CLIP3: variants seen among roughly 807,000 people sequenced by gnomAD.
CLIP3 encodes CAP-Gly domain-containing linker protein 3.
CLIP3 carries 15 observed loss-of-function variants against 59.4 expected under a neutral mutation model. That is an observed-to-expected ratio of 0.25 (90% CI 0.17 to 0.39). The LOEUF (loss-of-function observed/expected upper bound fraction) is 0.39, where lower values mean the gene tolerates loss of function less well. Ranked by LOEUF, CLIP3 falls within the 10% of genes least tolerant of loss-of-function variation. The pLI, the probability that CLIP3 is intolerant of heterozygous loss-of-function variation, is 1.00. For missense variants in CLIP3, 495 were observed against 765.7 expected (o/e 0.65, Z 4.17); for synonymous variants, 300 against 321.6 (o/e 0.93, Z 0.72).
chr19:36,032,370 C>A lies in CLIP3; in HGVS notation c.-13G>T. The A allele has an allele frequency of 8.1e-7, 1 of 1,238,648 alleles. No homozygotes were observed. The allele number at this position is 1,238,648 out of a possible 1,614,324, so 76.7% of individuals were successfully genotyped here. A position where few individuals can be genotyped will look rare whatever the true frequency, so the allele number is the denominator to read the frequency against. The stretch of plus-strand genomic sequence containing the variant: ...CTGTCTTAGTCATGGTCCTCGGTGG[C>A]CCTCGGGGGGCGGGTGCAGAGTTGG... On this transcript the variant is annotated 5_prime_UTR_variant, in exon 2 of 14. Transcript: ENST00000360535. The surrounding 1 kb of genome is among the most constrained non-coding windows in gnomAD (Gnocchi z 4.3).
Position 36,032,111 on chromosome 19 carries a change from A to G in CLIP3, c.166+81T>C. 3 of 767,990 alleles carry G rather than the reference A, an allele frequency of 3.9e-6. No homozygotes were observed. The highest frequency in any genetic ancestry group is 3.6e-6 in the Non-Finnish European group (2 of 549,828). The allele number at this position is 767,990 out of a possible 1,614,324, so 47.6% of individuals were successfully genotyped here. A position where few individuals can be genotyped will look rare whatever the true frequency, so the allele number is the denominator to read the frequency against. ...TCAAATTCCCCAGAATTCTCCCACCATCACCACCAGCAGAGCACAGCCCAC... is the reference window on the plus strand; with the variant it reads ...TCAAATTCCCCAGAATTCTCCCACCGTCACCACCAGCAGAGCACAGCCCAC... On this transcript the variant is annotated intron_variant, in intron 2 of 13. Transcript: ENST00000360535. The surrounding 1 kb of genome is among the most constrained non-coding windows in gnomAD (Gnocchi z 4.3).
At chr19:36,022,501 G>A (rs906223272) in intron 7 of CLIP3, among the ~76,000 whole-genome samples, 7 of 152,198 alleles carry the variant, frequency 4.6e-5, no homozygotes, top group Admixed American at 6.5e-5. Context: ...TTAGTATTCC[G>A]TGTCTTCAGA....
In CLIP3 at chr19:36,018,597, A is replaced by T. The variant is rs569571820; in HGVS notation, c.1183+301T>A. On this transcript the variant is annotated intron_variant, in intron 9 of 13. Transcript: ENST00000360535. ...ACTCTTGACTCAAAAAAAAAAAAAA[A>T]AAAAAGTAGATCAAATGACAAAAGA... Among the ~76,000 whole-genome samples, 17 of 152,012 alleles carry T rather than the reference A, an allele frequency of 1.1e-4. No individual in the cohort carries two copies. In the East Asian group the frequency reaches 3.1e-3, roughly 28 times the overall value.
At chr19:36,030,541 C>T (rs760004883) in intron 2 of CLIP3, among the ~76,000 whole-genome samples, 1 of 152,292 alleles carries the variant, frequency 6.6e-6, no homozygotes, top group African/African-American at 2.4e-5. Context: ...TCCCCTCCTA[C>T]ATCCAACTCT....
chr19:36,018,007 G>A lies in CLIP3; in HGVS notation c.1184-16C>T, dbSNP rs1278034662. ...TTCTTCTTGCCTAAGGGTAGAAGGTGTAGGAGGTGGGTAGTGGGGCTGAGG... is the reference window on the plus strand; with the variant it reads ...TTCTTCTTGCCTAAGGGTAGAAGGTATAGGAGGTGGGTAGTGGGGCTGAGG... On this transcript the variant is annotated splice_polypyrimidine_tract_variant and intron_variant, in intron 9 of 13. Coordinates refer to ENST00000360535, the MANE Select transcript of CLIP3 (RefSeq NM_015526.3). 3 of 1,613,188 alleles carry A rather than the reference G, an allele frequency of 1.9e-6. No individual in the cohort carries two copies. The highest frequency in any genetic ancestry group is 1.8e-4 in the Middle Eastern group (1 of 5,660).
Position 36,027,099 on chromosome 19 carries a change from C to A in CLIP3, c.306+33G>T, listed in dbSNP as rs141854649. The A allele has an allele frequency of 2.3e-4, 363 of 1,590,908 alleles. No homozygotes were observed. The African/African-American group carries it at 4.6e-3, about 20-fold the overall frequency. On this transcript the variant is annotated intron_variant, in intron 3 of 13. Coordinates refer to ENST00000360535, the MANE Select transcript of CLIP3 (RefSeq NM_015526.3). Reference sequence around the variant, plus strand: ...CACCCACACATGTGGGGAACCGCATCCCCTCTCCCCCTGGTTTCCCCAGTG... The same window carrying A: ...CACCCACACATGTGGGGAACCGCATACCCTCTCCCCCTGGTTTCCCCAGTG...
intron 2 of CLIP3, among the ~76,000 whole-genome samples, chr19:36,031,483 T>C (rs953778899): frequency 1.3e-5 from 2 of 152,128 alleles, no homozygotes; most frequent in Non-Finnish European, 2.9e-5. Flanking sequence ...TGTCACAGAG[T>C]AGCAGCACTC....
chr19:36,031,023 C>CTTTTTTTTTTTTTTTTTTT (rs55762943), intron 2 of CLIP3, among the ~76,000 whole-genome samples: 22 of 80,166 alleles, frequency 2.7e-4, no homozygotes, highest in East Asian at 8.7e-4. Context: ...TTTTTTTTTT[C>CTTTTTTTTTTTTTTTTTTT]TTTTTTTTTT....
intron 7 of CLIP3, among the ~76,000 whole-genome samples, chr19:36,021,469 G>C (rs1968950315): frequency 6.6e-6 from 1 of 151,344 alleles, no homozygotes; most frequent in Non-Finnish European, 1.5e-5. Context: ...ATTATTAGTA[G>C]AGATGAGGTC....
At chr19:36,019,375 G>T in intron 7 of CLIP3, 69 bp from the exon 8 acceptor site, 1 of 1,545,992 alleles carries the variant, frequency 6.5e-7, no homozygotes, top group East Asian at 2.4e-5. Flanking sequence ...GCCCACACAC[G>T]GGCAGCAAGG....
At chr19:36,024,926 T>C (rs1207780896) in intron 6 of CLIP3, among the ~76,000 whole-genome samples, 10 of 151,042 alleles carry the variant, frequency 6.6e-5, no homozygotes, top group East Asian at 3.9e-4. Flanking sequence ...ATTAGCCGGG[T>C]GTGGTGGCGT....
chr19:36,017,009 G>T (rs908506248), intron 12 of CLIP3, 30 bp from the exon 13 acceptor site: 3 of 1,611,348 alleles, frequency 1.9e-6, no homozygotes, highest in African/African-American at 2.7e-5. Context: ...GTCAAGTGAG[G>T]GGATGACAGA....
At position 36,032,234 on chromosome 19, in the gene CLIP3, C is replaced by G; in HGVS notation, c.124G>C (p.Val42Leu). 7.6e-7 allele frequency: 1 copy of G among 1,308,160 alleles called. No individual in the cohort carries two copies. The highest frequency in any genetic ancestry group is 9.8e-7 in the Non-Finnish European group (1 of 1,019,234). The allele number at this position is 1,308,160 out of a possible 1,614,324, so 81.0% of individuals were successfully genotyped here. Residue 42 changes from valine to leucine, a missense_variant, in exon 2 of 14, where the codon GTT (valine) becomes CTT (leucine). Physicochemically the swap from Val to Leu is conservative, Grantham distance 32. This residue lies in a region of CLIP3 where 90 missense variants were observed against 105.2 expected (regional missense o/e 0.86). Coordinates refer to ENST00000360535, the MANE Select transcript of CLIP3 (RefSeq NM_015526.3). This position sits in a 1 kb window ranked among gnomAD's most constrained non-coding sequence, Gnocchi z 4.3. Reference protein sequence around the residue: ...SPTQERRQKPVVHPSAPAPLP... With the variant: ...SPTQERRQKPLVHPSAPAPLP... Reference sequence around the variant, plus strand: ...GGGGCAGGTGCCGAGGGGTGCACAACAGGCTTCTGCCGGCGCTCCTGGGTG... The same window carrying G: ...GGGGCAGGTGCCGAGGGGTGCACAAGAGGCTTCTGCCGGCGCTCCTGGGTG...
Position 36,026,025 on chromosome 19 carries a change from C to T in CLIP3, c.681+122G>A, listed in dbSNP as rs1969095809. ...CATATTTCAGCTGTTATTGCATTTG[C>T]TGAATGTACAGACGGCATTTGTAGT... On this transcript the variant is annotated intron_variant, in intron 6 of 13. Coordinates refer to ENST00000360535, the MANE Select transcript of CLIP3 (RefSeq NM_015526.3). The surrounding 1 kb of genome is among the most constrained non-coding windows in gnomAD (Gnocchi z 6.3). 2 of 699,434 alleles carry T rather than the reference C, an allele frequency of 2.9e-6. No homozygotes were observed. The highest frequency in any genetic ancestry group is 5.1e-6 in the Non-Finnish European group (2 of 390,300). The allele number at this position is 699,434 out of a possible 1,614,324, so 43.3% of individuals were successfully genotyped here.
intron 7 of CLIP3, 80 bp from the exon 8 acceptor site, chr19:36,019,386 T>G (rs940227804): frequency 9.1e-6 from 14 of 1,536,242 alleles, no homozygotes; most frequent in Non-Finnish European, 1.1e-5. Context: ...GGCAGCAAGG[T>G]GGGTTGCATG....
rs916571305 is a variant in CLIP3 at position 36,032,040 on chromosome 19, G to A, written c.166+152C>T. 2 of 418,480 alleles carry A rather than the reference G, an allele frequency of 4.8e-6. No homozygotes were observed. Among genetic ancestry groups the A allele is most frequent in the African/African-American group, 4.1e-5 (2 of 48,776 alleles). 25.9% of individuals were successfully genotyped at this position (418,480 alleles called of 1,614,324 possible). ...TCCATTCTCCAATGGGTGAATGAAT[G>A]AATTAACGAGGGGTGCTCTGCAGCC... is the stretch of plus-strand genomic sequence containing the variant. On this transcript the variant is annotated intron_variant, in intron 2 of 13. Transcript: ENST00000360535. The surrounding 1 kb of genome is among the most constrained non-coding windows in gnomAD (Gnocchi z 4.3).
Position 36,019,134 on chromosome 19 carries a change from C to G in CLIP3, c.1054+37G>C, listed in dbSNP as rs1311059684. 15 of 1,612,268 alleles carry G rather than the reference C, an allele frequency of 9.3e-6. No homozygotes were observed. In the South Asian group the frequency reaches 1.4e-4, roughly 15 times the overall value. ...AGCATCAGAACTGCCGAGTGGACAC[C>G]CAGCCACACCCCTCTTGGGCCCGAG... On this transcript the variant is annotated intron_variant, in intron 8 of 13. Coordinates refer to ENST00000360535, the MANE Select transcript of CLIP3 (RefSeq NM_015526.3).
At chr19:36,024,336 G>A in intron 7 of CLIP3, 60 bp downstream of exon 7, 1 of 1,462,076 alleles carries the variant, frequency 6.8e-7, no homozygotes, top group Non-Finnish European at 9.5e-7. Flanking sequence ...CAGCTCCAAG[G>A]GATTAAGGGG....
chr19:36,027,627 G>C (rs749656672), intron 2 of CLIP3, among the ~76,000 whole-genome samples: 1 of 152,212 alleles, frequency 6.6e-6, no homozygotes, highest in Non-Finnish European at 1.5e-5. Flanking sequence ...CTGTTGCCCT[G>C]TGAGAGTATG....
Sources: gnomAD v4.1 joint callset for allele counts (sites outside exome capture counted in the v4.1 genomes callset) on GRCh38, gnomAD v4.1.1 for gene constraint, gnomAD v4.1.1 regional missense constraint, Gnocchi (gnomAD v3.1) non-coding constraint, MANE v1.5 for transcripts, NCBI Gene and HGNC (gene_info 2026-07-23, HGNC 2026-07-21) for gene names.